Variants in SMG1 observed in about 807,000 individuals in gnomAD.
The protein encoded by SMG1 is SMG1 nonsense mediated mRNA decay associated PI3K related kinase.
SMG1 carries 22 observed loss-of-function variants against 419.9 expected under a neutral mutation model. That is an observed-to-expected ratio of 0.05 (90% CI 0.04 to 0.07). The LOEUF (loss-of-function observed/expected upper bound fraction) is 0.07, where lower values mean the gene tolerates loss of function less well. Among genes scored for constraint, SMG1 ranks in the 10% least tolerant of loss-of-function variants. SMG1 has a pLI of 1.00. For missense variants in SMG1, 3,185 were observed against 4,342.0 expected, an observed-to-expected ratio of 0.73 and a Z score of 7.49; for synonymous variants, 1,538 against 1,553.5, an observed-to-expected ratio of 0.99 and a Z score of 0.23.
intron 29 of SMG1, among the ~76,000 whole-genome samples, 162 bp from the exon 30 acceptor site, chr16:18,855,066 T>C (rs746408713): frequency 2.6e-4 from 39 of 152,214 alleles, no homozygotes; most frequent in Non-Finnish European, 5.1e-4. Context: ...GTGCTTGAGA[T>C]ACAATGAACA....
chr16:18,815,745 A>G, intron 58 of SMG1, 94 bp from the exon 59 acceptor site: 1 of 1,055,126 alleles, frequency 9.5e-7, no homozygotes, highest in Non-Finnish European at 1.4e-6. Flanking sequence ...CAAATGTTTC[A>G]AATATGAGTG....
chr16:18,891,986 G>T (rs1159243048), intron 4 of SMG1, among the ~76,000 whole-genome samples: 1 of 152,202 alleles, frequency 6.6e-6, no homozygotes, highest in Non-Finnish European at 1.5e-5. Context: ...AGGATAGCTT[G>T]AATCCAGGAG....
At chr16:18,870,279 G>T (rs2035745750) in intron 18 of SMG1, among the ~76,000 whole-genome samples, 1 of 152,146 alleles carries the variant, frequency 6.6e-6, no homozygotes, top group South Asian at 2.1e-4. Context: ...TCAAGTTTAG[G>T]CTCTTAAAGC....
chr16:18,835,125 C>A lies in SMG1; in HGVS notation c.8097G>T (p.Val2699=). Residue 2699 remains valine, a synonymous_variant, in exon 49 of 63, where the codon GTG becomes GTT. Coordinates refer to ENST00000446231, the MANE Select transcript of SMG1 (RefSeq NM_015092.5). ...MQYAPQPPPT[V]CQFITATEMT... ...TTTCAGTGGCAGTGATGAACTGACA[C>A]ACTGTTGGGGGTGGCTGGGGAGCAT... 1 of 1,613,716 alleles carries A rather than the reference C, an allele frequency of 6.2e-7. No homozygotes were observed.
At position 18,834,546 on chromosome 16, in the gene SMG1, GC is replaced by G. The variant is rs1367833934; in HGVS notation, c.8331-109del. The G allele has an allele frequency of 6.8e-6, 7 of 1,026,444 alleles. No homozygotes were observed. The African/African-American group carries it at 1.1e-4, about 16-fold the overall frequency. 63.6% of individuals were successfully genotyped at this position (1,026,444 alleles called of 1,614,324 possible). A position where few individuals can be genotyped will look rare whatever the true frequency, so the allele number is the denominator to read the frequency against. The stretch of plus-strand genomic sequence containing the variant: ...AATTCCAGCATTTTGGGAGGCCGAG[GC>G]AGGTAGATGACTTCAGGCCAGGAGT... On this transcript the variant is annotated intron_variant, in intron 49 of 62. Coordinates refer to ENST00000446231, the MANE Select transcript of SMG1 (RefSeq NM_015092.5).
At chr16:18,845,372 T>C in intron 39 of SMG1, 57 bp downstream of exon 39, 5 of 1,435,940 alleles carry the variant, frequency 3.5e-6, no homozygotes, top group Non-Finnish European at 4.8e-6. Context: ...TGAAATTTCG[T>C]ATCTCATGGG....
Position 18,888,164 on chromosome 16 carries a change from CA to C in SMG1, c.822+1207del, listed in dbSNP as rs991748168. ...TGGACAACAGAGCAAGACTCTGCAT[CA>C]AAAAAAAAAAAAAAAAAAAAGGAAT... On this transcript the variant is annotated intron_variant, in intron 6 of 62. Transcript: ENST00000446231. 2.1e-3 allele frequency among the ~76,000 whole-genome samples: 88 copies of C among 41,190 alleles called. 1 individual carries two copies. The highest frequency in any genetic ancestry group is 0.012 in the South Asian group (11 of 908). The allele number at this position is 41,190 out of a possible 152,430, so 27.0% of individuals were successfully genotyped here.
chr16:18,896,017 G>A (rs1423387862), intron 3 of SMG1, 35 bp downstream of exon 3: 2 of 1,592,708 alleles, frequency 1.3e-6, no homozygotes, highest in Non-Finnish European at 1.7e-6. Flanking sequence ...TCTTTGGAAG[G>A]TGTATGTGAT....
intron 46 of SMG1, 41 bp downstream of exon 46, chr16:18,837,208 CTAAT>C: frequency 1.4e-6 from 2 of 1,479,326 alleles, no homozygotes; most frequent in Non-Finnish European, 1.8e-6. Context: ...TATGAAAATT[CTAAT>C]TAATGGCACA....
In SMG1 at chr16:18,870,061, T is replaced by C. The variant is rs866028618; in HGVS notation, c.2493-67A>G. On this transcript the variant is annotated intron_variant, in intron 18 of 62. Coordinates refer to ENST00000446231, the MANE Select transcript of SMG1 (RefSeq NM_015092.5). ...TTAAAAGGTTAGCACATACTGTAAG[T>C]GGATTATTTACTTATTAACTCACTG... is the stretch of plus-strand genomic sequence containing the variant. 1.5e-5 allele frequency: 15 copies of C among 1,022,642 alleles called. No individual in the cohort carries two copies. In the South Asian group the frequency reaches 1.8e-4, roughly 13 times the overall value. The allele number at this position is 1,022,642 out of a possible 1,614,324, so 63.3% of individuals were successfully genotyped here.
Position 18,812,083 on chromosome 16 carries a change from A to G in SMG1, c.10666T>C (p.Ser3556Pro). Residue 3556 changes from serine (S) to proline (P), a missense_variant, in exon 61 of 63, where the codon TCA (serine) becomes CCA (proline). This residue lies in a region of SMG1 where 737 missense variants were observed against 846.6 expected (regional missense o/e 0.87). Transcript: ENST00000446231. ...TGQKTQPDVMSQNARKLIQKN... is the reference protein window; with the variant it reads ...TGQKTQPDVMPQNARKLIQKN... ...TGGATCAGCTTTCTAGCATTCTGTG[A>G]CATGACATCAGGCTGAGTCTTCTGG... 6.2e-7 allele frequency: 1 copy of G among 1,613,944 alleles called. No individual in the cohort carries two copies. The highest frequency in any genetic ancestry group is 1.3e-5 in the African/African-American group (1 of 75,044).
chr16:18,816,193 T>G, intron 58 of SMG1, 109 bp downstream of exon 58: 79 of 833,042 alleles, frequency 9.5e-5, no homozygotes, highest in Non-Finnish European at 1.4e-4. Flanking sequence ...GAAGATGTGA[T>G]GAGATAAATT....
At chr16:18,918,475 A>G (rs923227931) in intron 1 of SMG1, among the ~76,000 whole-genome samples, 1 of 152,194 alleles carries the variant, frequency 6.6e-6, no homozygotes, top group African/African-American at 2.4e-5. Context: ...ATTCACAGTG[A>G]AAATTGTACA....
At chr16:18,845,027 T>C (rs2034179168) in intron 39 of SMG1, among the ~76,000 whole-genome samples, 1 of 152,224 alleles carries the variant, frequency 6.6e-6, no homozygotes, top group Non-Finnish European at 1.5e-5. Flanking sequence ...GCGACTATTT[T>C]ATCTGTTAGA....
chr16:18,835,409 G>A (rs1418015409), intron 48 of SMG1, among the ~76,000 whole-genome samples: 1 of 152,196 alleles, frequency 6.6e-6, no homozygotes, highest in African/African-American at 2.4e-5. Context: ...GGAGGCCAAG[G>A]CAGGAGGATC....
intron 10 of SMG1, among the ~76,000 whole-genome samples, chr16:18,880,334 G>A (rs1190473770): frequency 1.3e-5 from 2 of 152,074 alleles, no homozygotes; most frequent in African/African-American, 2.4e-5. Context: ...GGAGAAAACA[G>A]AGCAAATGTT....
chr16:18,852,214 AT>A lies in SMG1; in HGVS notation c.4914-10del, dbSNP rs2034643191. The A allele has an allele frequency of 1.2e-6, 2 of 1,610,478 alleles. No homozygotes were observed. The highest frequency in any genetic ancestry group is 2.2e-5 in the South Asian group (2 of 90,292). On this transcript the variant is annotated splice_polypyrimidine_tract_variant and intron_variant, in intron 32 of 62. Transcript: ENST00000446231. ...GAACACCTTCTCCCTGACTATAAAA[AT>A]AAACAAGTCATCAGTATTTCAGCTA...
intron 1 of SMG1, among the ~76,000 whole-genome samples, chr16:18,918,035 T>C (rs1596662366): frequency 6.6e-6 from 1 of 150,884 alleles, no homozygotes; most frequent in Admixed American, 6.6e-5. Context: ...CTGGGATGGG[T>C]GGATCACCTG....
chr16:18,813,421 T>C (rs1472681255), intron 60 of SMG1, among the ~76,000 whole-genome samples: 9 of 152,222 alleles, frequency 5.9e-5, no homozygotes, highest in Non-Finnish European at 1.0e-4. Context: ...TGATGGCCAG[T>C]GATGATGAGC....
Sources: allele counts gnomAD v4.1 joint callset (sites outside exome capture counted in the v4.1 genomes callset), GRCh38; gene constraint gnomAD v4.1.1; regional missense constraint gnomAD v4.1.1; transcripts MANE v1.5; gene names NCBI Gene and HGNC (gene_info 2026-07-23, HGNC 2026-07-21).